The following MCUB variants were observed in gnomAD, a reference collection of about 807,000 sequenced individuals.
The protein encoded by MCUB is mitochondrial calcium uniporter dominant negative subunit beta, also known as calcium uniporter regulatory subunit MCUb, mitochondrial.
In MCUB, 46 loss-of-function variants were observed where a neutral mutation model predicts 41.4. That is an observed-to-expected ratio of 1.11 (90% CI 0.88 to 1.42). The LOEUF (loss-of-function observed/expected upper bound fraction) is 1.42. Among genes scored for constraint, MCUB ranks in the 40% most tolerant of loss-of-function variants. The probability of loss-of-function intolerance (pLI) is 0.00; values close to 1 mark genes in which losing one functional copy is unlikely to be tolerated. For missense variants in MCUB, 403 were observed against 404.9 expected, an observed-to-expected ratio of 1.00 and a Z score of 0.04; for synonymous variants, 148 against 148.2, an observed-to-expected ratio of 1.00 and a Z score of 0.01.
chr4:109,617,705 A>G (rs1728162165), intron 1 of MCUB, among the ~76,000 whole-genome samples: 1 of 152,178 alleles, frequency 6.6e-6, no homozygotes, highest in South Asian at 2.1e-4. Context: ...GTCTATTATT[A>G]TTGGACAATT....
intron 1 of MCUB, among the ~76,000 whole-genome samples, chr4:109,600,220 T>C (rs1477741708): frequency 1.3e-5 from 2 of 152,208 alleles, no homozygotes; most frequent in Admixed American, 6.5e-5. Context: ...CCACTACCTG[T>C]ACTACCTGTT....
rs145022710 is a variant in MCUB at position 109,570,691 on chromosome 4, T to C, written c.99+10255T>C. On this transcript the variant is annotated intron_variant, in intron 1 of 7. Coordinates refer to ENST00000394650, the MANE Select transcript of MCUB (RefSeq NM_017918.5). ...AATATCAAGATTTTGGAAGTACTAA[T>C]ACAGATGTTATGCTAGAGGACTAAT... Among the ~76,000 whole-genome samples the C allele has an allele frequency of 2.4e-3, 363 of 152,374 alleles. 2 individuals are homozygous for C. The Middle Eastern group carries it at 0.034, about 14-fold the overall frequency.
intron 1 of MCUB, among the ~76,000 whole-genome samples, chr4:109,646,325 A>C (rs2126141509): frequency 6.6e-6 from 1 of 152,290 alleles, no homozygotes; most frequent in Non-Finnish European, 1.5e-5. Context: ...CCGTGCAGTA[A>C]CTGACTCACC....
At chr4:109,628,611 C>T (rs564870294) in intron 1 of MCUB, among the ~76,000 whole-genome samples, 1 of 152,276 alleles carries the variant, frequency 6.6e-6, no homozygotes, top group East Asian at 1.9e-4. Context: ...GATTTGATAG[C>T]ACCAGCTGAG....
intron 1 of MCUB, among the ~76,000 whole-genome samples, chr4:109,590,495 A>G (rs1022888614): frequency 6.6e-6 from 1 of 152,216 alleles, no homozygotes; most frequent in Non-Finnish European, 1.5e-5. Context: ...AAAAAAATTG[A>G]GTTTTTAAAA....
At position 109,660,252 on chromosome 4, in the gene MCUB, G is replaced by A. The variant is rs771571379; in HGVS notation, c.233G>A (p.Arg78Lys). Reference protein sequence around the residue: ...LPLVTLTLPSRKERCQFVVKP... With the variant: ...LPLVTLTLPSKKERCQFVVKP... ...TTGGTAACACTTACCTTGCCATCTA[G>A]AAAAGAACGTTGTCAATTCGTAGTC... The change falls in exon 3 of 8, where the codon AGA becomes AAA. Residue 78 changes from arginine to lysine, a missense_variant. By Grantham distance (26) the Arg-to-Lys change is conservative. Coordinates refer to ENST00000394650, the MANE Select transcript of MCUB (RefSeq NM_017918.5). The A allele has an allele frequency of 1.2e-6, 2 of 1,602,798 alleles. No homozygotes were observed. The highest frequency in any genetic ancestry group is 4.5e-5 in the East Asian group (2 of 44,742).
chr4:109,598,590 CAGAGGG>C (rs1465970831), intron 1 of MCUB, among the ~76,000 whole-genome samples: 1 of 134,458 alleles, frequency 7.4e-6, no homozygotes. Context: ...ACCGTGGAAA[CAGAGGG>C]AGAGGGAGAC....
chr4:109,687,608 TG>T lies in MCUB; in HGVS notation c.*17del. ...AAAGAATTAATCTTACAGTTTTAAATGTCGTCAGATTTTCCATTATGTATTG... is the reference window on the plus strand; with the variant it reads ...AAAGAATTAATCTTACAGTTTTAAATTCGTCAGATTTTCCATTATGTATTG... On this transcript the variant is annotated 3_prime_UTR_variant, in exon 8 of 8. Coordinates refer to ENST00000394650, the MANE Select transcript of MCUB (RefSeq NM_017918.5). 6.5e-7 allele frequency: 1 copy of T among 1,547,252 alleles called. No individual in the cohort carries two copies. The highest frequency in any genetic ancestry group is 1.1e-5 in the South Asian group (1 of 87,762).
intron 1 of MCUB, among the ~76,000 whole-genome samples, chr4:109,567,086 C>A (rs553202762): frequency 1.4e-5 from 2 of 142,854 alleles, no homozygotes; most frequent in African/African-American, 2.7e-5. Flanking sequence ...GAGCCGAGAT[C>A]GCATCATTGC....
intron 1 of MCUB, among the ~76,000 whole-genome samples, chr4:109,566,908 T>G (rs1726791363): frequency 6.6e-6 from 1 of 152,122 alleles, no homozygotes; most frequent in African/African-American, 2.4e-5. Context: ...AATCAATATT[T>G]AAGACCAGCC....
chr4:109,630,531 A>G (rs1728452350), intron 1 of MCUB, among the ~76,000 whole-genome samples: 1 of 152,098 alleles, frequency 6.6e-6, no homozygotes, highest in South Asian at 2.1e-4. Flanking sequence ...AATATAAGTC[A>G]GATGATACAT....
intron 1 of MCUB, among the ~76,000 whole-genome samples, chr4:109,595,720 T>C (rs1727539887): frequency 6.6e-6 from 1 of 152,290 alleles, no homozygotes; most frequent in African/African-American, 2.4e-5. Context: ...GGTATGACTG[T>C]GGGAGTGAAT....
intron 3 of MCUB, among the ~76,000 whole-genome samples, chr4:109,663,429 T>C (rs1230109547): frequency 6.6e-6 from 1 of 152,234 alleles, no homozygotes; most frequent in Non-Finnish European, 1.5e-5. Flanking sequence ...ACTTTTTTTT[T>C]CCTGAAATAC....
intron 4 of MCUB, among the ~76,000 whole-genome samples, chr4:109,673,605 A>T (rs1341875772): frequency 6.6e-5 from 10 of 152,270 alleles, no homozygotes; most frequent in Non-Finnish European, 1.2e-4. Context: ...GGATTAACTG[A>T]AAATGAAATT....
At chr4:109,630,828 G>C (rs1398454369) in intron 1 of MCUB, among the ~76,000 whole-genome samples, 1 of 152,110 alleles carries the variant, frequency 6.6e-6, no homozygotes, top group African/African-American at 2.4e-5. Flanking sequence ...TGACCCACCC[G>C]CCTCAGCCTC....
intron 1 of MCUB, among the ~76,000 whole-genome samples, chr4:109,641,811 G>T (rs1391794281): frequency 2.0e-5 from 3 of 152,172 alleles, no homozygotes; most frequent in Admixed American, 6.5e-5. Context: ...ACAACAGAGG[G>T]TGTAGCAACT....
chr4:109,578,452 G>A (rs1004175733), intron 1 of MCUB, among the ~76,000 whole-genome samples: 2 of 151,804 alleles, frequency 1.3e-5, no homozygotes, highest in Admixed American at 6.6e-5. Context: ...GTAGGTAGTC[G>A]AGCCAGGACT....
intron 1 of MCUB, among the ~76,000 whole-genome samples, chr4:109,631,962 C>T (rs374880594): frequency 3.3e-5 from 5 of 152,218 alleles, no homozygotes; most frequent in East Asian, 1.9e-4. Flanking sequence ...TGCTGACAAA[C>T]GGCAGGCCCC....
chr4:109,576,175 A>G (rs1361813685), intron 1 of MCUB, among the ~76,000 whole-genome samples: 2 of 152,210 alleles, frequency 1.3e-5, no homozygotes, highest in African/African-American at 4.8e-5. Context: ...GATCAAGAGG[A>G]CTTCCCAACC....
Sources: gnomAD v4.1 joint callset for allele counts (sites outside exome capture counted in the v4.1 genomes callset) on GRCh38, gnomAD v4.1.1 for gene constraint, MANE v1.5 for transcripts, NCBI Gene and HGNC (gene_info 2026-07-23, HGNC 2026-07-21) for gene names.